GPM6B: variants seen among roughly 807,000 people sequenced by gnomAD.
GPM6B encodes the protein neuronal membrane glycoprotein M6-b.
GPM6B carries 4 observed loss-of-function variants against 27.2 expected under a neutral mutation model. The ratio of observed to expected loss-of-function variants is 0.15; its 90% CI spans 0.07 to 0.34. The LOEUF is 0.34. GPM6B is among the 10% of genes least tolerant of loss of function. The pLI is 1.00. For synonymous variants in GPM6B, 124 were observed against 103.1 expected (o/e 1.20, Z -1.23); for missense variants, 183 against 261.9 (o/e 0.70, Z 2.08).
In GPM6B at chrX:13,826,242, CCA is replaced by C. The variant is rs2049370551; in HGVS notation, c.-197-40436_-197-40435del. On this transcript the variant is annotated intron_variant, in intron 1 of 6. Coordinates refer to the GPM6B transcript ENST00000398361. ...CGGGGACCTGAGTAGGGCTGAGTTT[CCA>C]GGGGCACAGAGACCCTAGGGAGGTA... Among the ~76,000 whole-genome samples, 9 of 110,464 alleles carry C rather than the reference CCA, an allele frequency of 8.1e-5. No homozygotes were observed. The South Asian group carries it at 3.5e-3, about 43-fold the overall frequency.
At chrX:13,927,063 C>T (rs1440401017) in intron 1 of GPM6B, among the ~76,000 whole-genome samples, 1 of 111,013 alleles carries the variant, frequency 9.0e-6, no homozygotes, top group Non-Finnish European at 1.9e-5. Flanking sequence ...TAAAGAACTA[C>T]TACAAATCAA....
intron 1 of GPM6B, among the ~76,000 whole-genome samples, chrX:13,922,436 C>A: frequency 8.9e-6 from 1 of 112,152 alleles, no homozygotes; most frequent in Non-Finnish European, 1.9e-5. Context: ...CTCGCCTTTG[C>A]TTCTTAAGGA....
At chrX:13,821,339 GATCT>G (rs1172389778), upstream of GPM6B, among the ~76,000 whole-genome samples, 1 of 112,053 alleles carries the variant, frequency 8.9e-6, no homozygotes, top group Non-Finnish European at 1.9e-5. Context: ...TTTCTTCTGT[GATCT>G]ATTACATTAA....
rs1555923728 is a variant in GPM6B at position 13,865,561 on chromosome X, AAG to A, written c.-198+72764_-198+72765del. Reference sequence around the variant, plus strand: ...TCTCTTCAAAAAAAAAAAAAAAAAAAAGAAAGAAAGAAAGAAAAGAAAAGAAA... The same window carrying A: ...TCTCTTCAAAAAAAAAAAAAAAAAAAAAAGAAAGAAAGAAAAGAAAAGAAA... On this transcript the variant is annotated intron_variant, in intron 1 of 6. Coordinates refer to the GPM6B transcript ENST00000398361. 4.6e-3 allele frequency among the ~76,000 whole-genome samples: 286 copies of A among 61,594 alleles called. 4 individuals are homozygous for A. The highest frequency in any genetic ancestry group is 0.015 in the African/African-American group (267 of 17,510). 53.5% of individuals were successfully genotyped at this position (61,594 alleles called of 115,157 possible).
intron 1 of GPM6B, among the ~76,000 whole-genome samples, chrX:13,934,174 G>GAGT (rs1921714898): frequency 9.0e-6 from 1 of 110,650 alleles, no homozygotes; most frequent in Non-Finnish European, 1.9e-5. Context: ...CGTGGTATTC[G>GAGT]ACTATGAGGT....
chrX:13,899,394 A>G, intron 1 of GPM6B, among the ~76,000 whole-genome samples: 1 of 74,439 alleles, frequency 1.3e-5, no homozygotes, highest in African/African-American at 5.7e-5. Flanking sequence ...TGACAGAGCG[A>G]GACTCTGTCT....
intron 1 of GPM6B, among the ~76,000 whole-genome samples, chrX:13,859,136 A>G (rs1340138802): frequency 8.9e-6 from 1 of 112,255 alleles, no homozygotes; most frequent in Non-Finnish European, 1.9e-5. Flanking sequence ...TAAGTGTACA[A>G]TTTTACGAAA....
chrX:13,911,838 G>T (rs1031063919), intron 1 of GPM6B, among the ~76,000 whole-genome samples: 12 of 112,048 alleles, frequency 1.1e-4, no homozygotes, highest in African/African-American at 3.9e-4. Flanking sequence ...TCACAAAATG[G>T]AGCTAAGTCA....
At chrX:13,851,394 G>A (rs1441913323) in intron 1 of GPM6B, among the ~76,000 whole-genome samples, 2 of 110,714 alleles carry the variant, frequency 1.8e-5, no homozygotes, top group African/African-American at 6.6e-5. Flanking sequence ...CCTGAAGGTT[G>A]AGGGGAAGAT....
chrX:13,791,252 C>T, intron 2 of GPM6B, among the ~76,000 whole-genome samples: 1 of 109,934 alleles, frequency 9.1e-6, no homozygotes, highest in Non-Finnish European at 1.9e-5. Context: ...ACTCTATTGC[C>T]CAGGCTGGAG....
intron 1 of GPM6B, among the ~76,000 whole-genome samples, chrX:13,935,316 T>C (rs987438912): frequency 8.5e-5 from 5 of 58,660 alleles, no homozygotes; most frequent in African/African-American, 1.5e-4. Context: ...TTGGGCACCA[T>C]AGAAATACCC....
chrX:13,809,217 G>A (rs1021537955), intron 1 of GPM6B, among the ~76,000 whole-genome samples: 1 of 111,992 alleles, frequency 8.9e-6, no homozygotes, highest in South Asian at 3.7e-4. Context: ...CAGCCAGGAG[G>A]TAGAGAAGCC....
Position 13,775,065 on chromosome X carries a change from A to C in GPM6B, c.837+1173T>G, listed in dbSNP as rs142881031. Among the ~76,000 whole-genome samples, 688 of 112,269 alleles carry C rather than the reference A, an allele frequency of 6.1e-3. 6 individuals carry two copies. Among genetic ancestry groups the C allele is most frequent in the African/African-American group, 0.021 (651 of 30,896 alleles). ...ATTCTAAGGGGATTTAATGGTCAGA[A>C]AAACTGGGAATGAATAATTTACAAG... On this transcript the variant is annotated intron_variant, in intron 7 of 7. Coordinates refer to ENST00000316715, the MANE Select transcript of GPM6B (RefSeq NM_001001995.3).
At chrX:13,838,171 G>C (rs886805965) in intron 1 of GPM6B, among the ~76,000 whole-genome samples, 3 of 109,818 alleles carry the variant, frequency 2.7e-5, no homozygotes, top group East Asian at 2.8e-4. Flanking sequence ...TTTATCCTGA[G>C]ACTTGACTAT....
chrX:13,828,838 T>G (rs2049406425), intron 1 of GPM6B, among the ~76,000 whole-genome samples: 1 of 111,713 alleles, frequency 9.0e-6, no homozygotes, highest in Non-Finnish European at 1.9e-5. Flanking sequence ...CATTTTTGCC[T>G]TCATGACAGT....
intron 2 of GPM6B, among the ~76,000 whole-genome samples, chrX:13,800,590 G>C (rs1047304493): frequency 1.5e-4 from 17 of 112,208 alleles, no homozygotes; most frequent in African/African-American, 5.5e-4. Flanking sequence ...CAATAGTACT[G>C]TCTGCTAAGG....
At chrX:13,837,275 C>A (rs1332959979) in intron 1 of GPM6B, among the ~76,000 whole-genome samples, 1 of 111,942 alleles carries the variant, frequency 8.9e-6, no homozygotes, top group Non-Finnish European at 1.9e-5. Context: ...TTCTCTTTTT[C>A]TTTGTTACGA....
At chrX:13,799,402 A>ATT (rs377057396) in intron 2 of GPM6B, among the ~76,000 whole-genome samples, 3 of 63,807 alleles carry the variant, frequency 4.7e-5, no homozygotes, top group African/African-American at 5.8e-5. Flanking sequence ...TATTATTATT[A>ATT]TTTTTTTTTT....
At chrX:13,855,914 G>C (rs1466700121) in intron 1 of GPM6B, among the ~76,000 whole-genome samples, 1 of 111,251 alleles carries the variant, frequency 9.0e-6, no homozygotes, top group Non-Finnish European at 1.9e-5. Context: ...ACCTTCCAAA[G>C]GTCACTCTCA....
Sources: gnomAD v4.1 joint callset for allele counts (sites outside exome capture counted in the v4.1 genomes callset) on GRCh38, gnomAD v4.1.1 for gene constraint, MANE v1.5 for transcripts, NCBI Gene and HGNC (gene_info 2026-07-23, HGNC 2026-07-21) for gene names.